FSIP1: variants seen among roughly 807,000 people sequenced by gnomAD.
The protein encoded by FSIP1 is fibrous sheath interacting protein 1, also known as fibrous sheath-interacting protein 1.
A neutral mutation model predicts 60.9 loss-of-function variants in FSIP1; 65 were observed. The observed-to-expected ratio is 1.07, with a 90% confidence interval of 0.87 to 1.31. The LOEUF (loss-of-function observed/expected upper bound fraction) is 1.31. Ranked by LOEUF, FSIP1 falls within the 40% of genes most tolerant of loss-of-function variation. FSIP1 has a pLI of 0.00. For synonymous variants in FSIP1, 209 were observed against 221.2 expected, an observed-to-expected ratio of 0.94 and a Z score of 0.49; for missense variants, 675 against 665.5, an observed-to-expected ratio of 1.01 and a Z score of -0.16.
rs542608010 is a variant in FSIP1 at position 39,757,532 on chromosome 15, T to C, written c.559+6289A>G. 1.1e-4 allele frequency among the ~76,000 whole-genome samples: 16 copies of C among 152,226 alleles called. No individual in the cohort carries two copies. In the East Asian group the frequency reaches 2.3e-3, roughly 22 times the overall value. On this transcript the variant is annotated intron_variant, in intron 5 of 11. Coordinates refer to ENST00000350221, the MANE Select transcript of FSIP1 (RefSeq NM_152597.5). ...TTATGTAGTCCAAAAAACAAATTAA[T>C]ATAATTAGGTTAATAATGCAGCCTA...
At chr15:39,616,438 C>T (rs888703611) in intron 11 of FSIP1, among the ~76,000 whole-genome samples, 2 of 150,406 alleles carry the variant, frequency 1.3e-5, no homozygotes, top group African/African-American at 2.4e-5. Flanking sequence ...AGTGCTTGGA[C>T]ATTCACAGAA....
intron 8 of FSIP1, among the ~76,000 whole-genome samples, chr15:39,730,189 T>C (rs981939500): frequency 6.6e-6 from 1 of 151,824 alleles, no homozygotes; most frequent in African/African-American, 2.4e-5. Context: ...ATAGATGAAG[T>C]AGGTTTGGAG....
intron 8 of FSIP1, among the ~76,000 whole-genome samples, chr15:39,732,222 C>T (rs924785766): frequency 2.6e-5 from 4 of 152,202 alleles, no homozygotes; most frequent in South Asian, 2.1e-4. Context: ...GCTAGCCCAC[C>T]GCTCATCCCC....
chr15:39,744,777 TCACACACACACACACACA>T (rs55691651), intron 5 of FSIP1, among the ~76,000 whole-genome samples: 8 of 137,966 alleles, frequency 5.8e-5, no homozygotes, highest in African/African-American at 2.2e-4. Context: ...TCCCCCTCAG[TCACACACACACACACACA>T]CACACACACA....
intron 1 of FSIP1, among the ~76,000 whole-genome samples, chr15:39,778,948 CTT>C (rs1400101158): frequency 3.3e-5 from 5 of 151,956 alleles, no homozygotes; most frequent in Admixed American, 6.6e-5. Flanking sequence ...GAATTAATGA[CTT>C]AGTAAGCGTG....
chr15:39,618,242 C>CT lies in FSIP1; in HGVS notation c.1191dup (p.Glu398ArgfsTer8). ...TCTTCAGAGAGACATGATGTGGACT[C>CT]TAACTGATGAAACAAACCAAAAGAT... On this transcript the variant is annotated frameshift_variant, in exon 11 of 12. Transcript: ENST00000350221. LOFTEE classifies it high-confidence loss of function. 6.3e-7 allele frequency: 1 copy of CT among 1,591,814 alleles called. No homozygotes were observed. The highest frequency in any genetic ancestry group is 1.3e-5 in the African/African-American group (1 of 74,136).
At chr15:39,743,088 C>G (rs1253811279) in intron 5 of FSIP1, among the ~76,000 whole-genome samples, 1 of 152,112 alleles carries the variant, frequency 6.6e-6, no homozygotes, top group African/African-American at 2.4e-5. Flanking sequence ...ACATCATAGT[C>G]CTGAAGTGGT....
chr15:39,665,367 G>C (rs1893455399), intron 10 of FSIP1, among the ~76,000 whole-genome samples: 1 of 152,130 alleles, frequency 6.6e-6, no homozygotes, highest in Admixed American at 6.6e-5. Flanking sequence ...ACTACTTTAT[G>C]AATTGATTTC....
At chr15:39,738,011 A>G in intron 8 of FSIP1, 80 bp downstream of exon 8, 1 of 829,588 alleles carries the variant, frequency 1.2e-6, no homozygotes, top group African/African-American at 1.8e-5. Context: ...ATTATTGTAA[A>G]TTTATGATAC....
At chr15:39,704,630 T>C (rs1417213506) in intron 10 of FSIP1, among the ~76,000 whole-genome samples, 1 of 152,218 alleles carries the variant, frequency 6.6e-6, no homozygotes, top group Non-Finnish European at 1.5e-5. Context: ...CTTTGGTTTC[T>C]AATCCATGGA....
Position 39,735,064 on chromosome 15 carries a change from T to C in FSIP1, c.891+3027A>G, listed in dbSNP as rs374698133. On this transcript the variant is annotated intron_variant, in intron 8 of 11. Coordinates refer to ENST00000350221, the MANE Select transcript of FSIP1 (RefSeq NM_152597.5). ...CATAGTTTGATACGCAGTGAGACCA[T>C]GGGTAGCAGTTTACCCAATTTTACA... Among the ~76,000 whole-genome samples, 5 of 152,362 alleles carry C rather than the reference T, an allele frequency of 3.3e-5. 1 individual carries two copies. The highest frequency in any genetic ancestry group is 6.5e-5 in the Admixed American group (1 of 15,302).
intron 10 of FSIP1, among the ~76,000 whole-genome samples, chr15:39,696,160 T>C (rs1406365310): frequency 1.3e-5 from 2 of 152,202 alleles, no homozygotes; most frequent in East Asian, 1.9e-4. Context: ...GAGAGAAAAA[T>C]AGCACCTTGC....
At chr15:39,630,008 T>C (rs1412713997) in intron 10 of FSIP1, among the ~76,000 whole-genome samples, 1 of 152,206 alleles carries the variant, frequency 6.6e-6, no homozygotes, top group Non-Finnish European at 1.5e-5. Flanking sequence ...TGGTCACAAA[T>C]GGGTGACTTG....
rs535104900 is a variant in FSIP1 at position 39,760,246 on chromosome 15, T to C, written c.559+3575A>G. Among the ~76,000 whole-genome samples the C allele has an allele frequency of 1.2e-3, 183 of 152,300 alleles. 2 individuals are homozygous for C. The Middle Eastern group carries it at 0.017, about 14-fold the overall frequency. ...AAAATCACCCAAATCTAGTGGCATA[T>C]GGTAAAAATTATTGCAGGCAAGATC... On this transcript the variant is annotated intron_variant, in intron 5 of 11. Coordinates refer to ENST00000350221, the MANE Select transcript of FSIP1 (RefSeq NM_152597.5).
At chr15:39,744,626 G>T (rs1006429782) in intron 5 of FSIP1, among the ~76,000 whole-genome samples, 2 of 152,104 alleles carry the variant, frequency 1.3e-5, no homozygotes, top group Non-Finnish European at 2.9e-5. Flanking sequence ...GAACTGAGGG[G>T]AGACCCCGCA....
At chr15:39,652,885 C>T (rs955970305) in intron 10 of FSIP1, among the ~76,000 whole-genome samples, 3 of 151,792 alleles carry the variant, frequency 2.0e-5, no homozygotes, top group Admixed American at 1.3e-4. Context: ...ATTTTTTTAA[C>T]GGTATGCAGG....
chr15:39,700,986 T>C (rs1895034068), intron 10 of FSIP1, among the ~76,000 whole-genome samples: 1 of 152,042 alleles, frequency 6.6e-6, no homozygotes, highest in Non-Finnish European at 1.5e-5. Context: ...ACCTCACCTC[T>C]ACAAAAAATA....
At chr15:39,662,065 A>C (rs1221581550) in intron 10 of FSIP1, among the ~76,000 whole-genome samples, 1 of 152,192 alleles carries the variant, frequency 6.6e-6, no homozygotes, top group African/African-American at 2.4e-5. Context: ...GGCAGTATCT[A>C]GTTTTCAGAA....
At chr15:39,664,429 A>G (rs1330428682) in intron 10 of FSIP1, among the ~76,000 whole-genome samples, 2 of 152,196 alleles carry the variant, frequency 1.3e-5, no homozygotes, top group African/African-American at 4.8e-5. Flanking sequence ...ATATTTATTT[A>G]CAGCCAAGCC....
Sources: allele counts gnomAD v4.1 joint callset (sites outside exome capture counted in the v4.1 genomes callset), GRCh38; gene constraint gnomAD v4.1.1; transcripts MANE v1.5; gene names NCBI Gene and HGNC (gene_info 2026-07-23, HGNC 2026-07-21).